The following CIB3 variants were observed in gnomAD, a reference collection of about 807,000 sequenced individuals.
CIB3 encodes the protein calcium and integrin binding family member 3.
Under a neutral mutation model 23.4 loss-of-function variants are expected in CIB3, and 22 were observed. The observed-to-expected ratio is 0.94, with a 90% CI of 0.67 to 1.34. The LOEUF is 1.34. CIB3 is among the 40% of genes most tolerant of loss of function. The probability of loss-of-function intolerance (pLI) is 0.00; values close to 1 mark genes in which losing one functional copy is unlikely to be tolerated. For missense variants in CIB3, 258 were observed against 247.3 expected, an observed-to-expected ratio of 1.04 and a Z score of -0.29; for synonymous variants, 93 against 95.8, an observed-to-expected ratio of 0.97 and a Z score of 0.17.
chr19:16,164,797 C>T lies in CIB3; in HGVS notation c.463G>A (p.Glu155Lys). ...CGCCCATCATGGTCTCCATCAGCCT[C>T]ATCCAGCACCTTCTCACATACCAGG... ...VSLVCEKVLDEADGDHDGRLS... is the reference protein window; with the variant it reads ...VSLVCEKVLDKADGDHDGRLS... Residue 155 changes from glutamate to lysine, a missense_variant, in exon 5 of 6, where the codon GAG (glutamate) becomes AAG (lysine). Transcript: ENST00000269878. The T allele has an allele frequency of 6.2e-7, 1 of 1,614,088 alleles. No individual in the cohort carries two copies. The highest frequency in any genetic ancestry group is 8.5e-7 in the Non-Finnish European group (1 of 1,180,012).
chr19:16,169,377 C>T (rs890551026), intron 3 of CIB3, among the ~76,000 whole-genome samples: 3 of 152,124 alleles, frequency 2.0e-5, no homozygotes, highest in Admixed American at 6.5e-5. Flanking sequence ...CTCCTGACCT[C>T]AGGTGATCCA....
intron 2 of CIB3, among the ~76,000 whole-genome samples, chr19:16,172,506 T>G (rs1485672443): frequency 6.6e-6 from 1 of 152,084 alleles, no homozygotes; most frequent in Non-Finnish European, 1.5e-5. Context: ...TCATGCATGC[T>G]CCATAGCTCC....
chr19:16,163,774 C>A (rs567646223), intron 5 of CIB3, among the ~76,000 whole-genome samples: 1 of 152,124 alleles, frequency 6.6e-6, no homozygotes, highest in Non-Finnish European at 1.5e-5. Context: ...CTGTAAATGG[C>A]CAAATAGTTG....
intron 2 of CIB3, among the ~76,000 whole-genome samples, chr19:16,171,965 C>T (rs1042000675): frequency 6.6e-6 from 1 of 152,244 alleles, no homozygotes. Flanking sequence ...TGGGCAATGG[C>T]CCCACAGGCC....
intron 4 of CIB3, among the ~76,000 whole-genome samples, chr19:16,166,976 G>A (rs2091308365): frequency 6.6e-6 from 1 of 152,186 alleles, no homozygotes; most frequent in Admixed American, 6.6e-5. Context: ...AGCACTTTGG[G>A]AGGCTGAGGC....
At chr19:16,170,828 AAAAAAAGAAAAG>A (rs1415800032) in intron 2 of CIB3, among the ~76,000 whole-genome samples, 2 of 150,870 alleles carry the variant, frequency 1.3e-5, no homozygotes. Context: ...GTCTCAAAAA[AAAAAAAGAAAAG>A]AAAAAAGAAA....
At chr19:16,163,292 C>A (rs531489479) in intron 5 of CIB3, among the ~76,000 whole-genome samples, 14 of 152,170 alleles carry the variant, frequency 9.2e-5, no homozygotes, top group Non-Finnish European at 1.5e-4. Context: ...TGGTGGCTCA[C>A]GCTTGTACTC....
intron 4 of CIB3, 116 bp from the exon 5 acceptor site, chr19:16,165,029 C>T (rs1225831209): frequency 3.5e-6 from 3 of 863,758 alleles, no homozygotes; most frequent in African/African-American, 1.7e-5. Context: ...CACGGTGGCT[C>T]ACGCCTGTAA....
intron 4 of CIB3, among the ~76,000 whole-genome samples, chr19:16,167,865 T>A (rs1365506611): frequency 6.6e-6 from 1 of 151,748 alleles, no homozygotes; most frequent in Non-Finnish European, 1.5e-5. Context: ...AATAAATAAA[T>A]AAGGAGCAAG....
At chr19:16,164,650 G>T (rs1783115152) in intron 5 of CIB3, 68 bp downstream of exon 5, 1 of 1,403,500 alleles carries the variant, frequency 7.1e-7, no homozygotes, top group Non-Finnish European at 9.9e-7. Context: ...AACAGAGTCT[G>T]TGAACTGTCT....
chr19:16,162,828 T>G (rs139026108), intron 5 of CIB3, among the ~76,000 whole-genome samples: 171 of 151,794 alleles, frequency 1.1e-3, no homozygotes, highest in African/African-American at 4.0e-3. Context: ...CAGTGGCACG[T>G]ACCTGTAGTC....
chr19:16,164,711 G>T lies in CIB3; in HGVS notation c.542+7C>A. ...AATGGACTGTGGGCGGTGACGGAGA[G>T]CATCACCTGAGGAAGTCTGGTGCCC... is the stretch of plus-strand genomic sequence containing the variant. On this transcript the variant is annotated splice_region_variant and intron_variant, in intron 5 of 5. Transcript: ENST00000269878. The T allele has an allele frequency of 6.2e-7, 1 of 1,612,582 alleles. No homozygotes were observed. Among genetic ancestry groups the T allele is most frequent in the Non-Finnish European group, 8.5e-7 (1 of 1,178,732 alleles).
intron 2 of CIB3, among the ~76,000 whole-genome samples, chr19:16,170,722 C>T (rs1449531825): frequency 3.3e-5 from 5 of 151,286 alleles, no homozygotes; most frequent in Admixed American, 6.6e-5. Context: ...CTCGGGAGGC[C>T]GAGGCAGGAG....
chr19:16,168,435 G>A (rs1282422977), intron 3 of CIB3, 151 bp from the exon 4 acceptor site: 5 of 1,152,494 alleles, frequency 4.3e-6, no homozygotes, highest in Non-Finnish European at 6.0e-6. Flanking sequence ...ACAGGACTTT[G>A]GACAACTCCA....
intron 5 of CIB3, among the ~76,000 whole-genome samples, chr19:16,163,106 G>C (rs2091291950): frequency 6.6e-6 from 1 of 151,566 alleles, no homozygotes. Flanking sequence ...TAAAATGCTG[G>C]GATTACAGGT....
Position 16,168,119 on chromosome 19 carries a change from C to T in CIB3, c.346+18G>A. 6.3e-7 allele frequency: 1 copy of T among 1,597,050 alleles called. No homozygotes were observed. The highest frequency in any genetic ancestry group is 8.5e-7 in the Non-Finnish European group (1 of 1,171,686). On this transcript the variant is annotated intron_variant, in intron 4 of 5. Transcript: ENST00000269878. Reference sequence around the variant, plus strand: ...CACCCCATCCCCATGCTTCCCAACCCCAGGGCCACGCACGCACCATAAATT... The same window carrying T: ...CACCCCATCCCCATGCTTCCCAACCTCAGGGCCACGCACGCACCATAAATT...
chr19:16,169,546 T>A, intron 3 of CIB3, 84 bp downstream of exon 3: 2 of 1,204,952 alleles, frequency 1.7e-6, no homozygotes, highest in South Asian at 1.3e-5. Flanking sequence ...AAAATGGGGA[T>A]AACTGCAGCA....
chr19:16,170,551 C>T (rs1308289881), intron 2 of CIB3, among the ~76,000 whole-genome samples: 1 of 152,130 alleles, frequency 6.6e-6, no homozygotes, highest in African/African-American at 2.4e-5. Flanking sequence ...CCGGATGCAG[C>T]GGCTCATGCC....
intron 5 of CIB3, among the ~76,000 whole-genome samples, chr19:16,163,485 G>A (rs571519917): frequency 2.4e-4 from 36 of 152,120 alleles, no homozygotes; most frequent in Non-Finnish European, 3.8e-4. Context: ...AACCCAGGAG[G>A]TGGAAGTTGC....
Sources: allele counts gnomAD v4.1 joint callset (sites outside exome capture counted in the v4.1 genomes callset), GRCh38; gene constraint gnomAD v4.1.1; transcripts MANE v1.5; gene names NCBI Gene and HGNC (gene_info 2026-07-23, HGNC 2026-07-21).